The following CTTN variants were observed in gnomAD, a reference collection of about 807,000 sequenced individuals.
CTTN encodes cortactin.
A neutral mutation model predicts 84.0 loss-of-function variants in CTTN; 28 were observed. The observed-to-expected ratio is 0.33, with a 90% CI of 0.25 to 0.46. The LOEUF (loss-of-function observed/expected upper bound fraction) is 0.46, where lower values mean the gene tolerates loss of function less well. CTTN is among the 20% of genes least tolerant of loss of function. CTTN has a pLI of 1.00. For synonymous variants in CTTN, 301 were observed against 288.8 expected (o/e 1.04, Z -0.43); for missense variants, 641 against 723.8 (o/e 0.89, Z 1.31).
At chr11:70,417,257 G>A (rs2058174696) in intron 8 of CTTN, 134 bp downstream of exon 8, 1 of 685,462 alleles carries the variant, frequency 1.5e-6, no homozygotes, top group East Asian at 2.7e-5. Context: ...ACCAGTGTAT[G>A]TGGGCTTTTC....
At chr11:70,418,268 G>T (rs2058186698) in intron 8 of CTTN, among the ~76,000 whole-genome samples, 1 of 152,224 alleles carries the variant, frequency 6.6e-6, no homozygotes, top group Admixed American at 6.5e-5. Flanking sequence ...TTGCCTTCCT[G>T]CCGGTCAGGC....
chr11:70,416,907 A>G, intron 7 of CTTN, 106 bp from the exon 8 acceptor site: 2 of 789,886 alleles, frequency 2.5e-6, no homozygotes, highest in Non-Finnish European at 4.6e-6. Context: ...TGTGCGCTTG[A>G]TGTGTTTGTG....
chr11:70,435,203 C>T lies in CTTN; in HGVS notation c.*41C>T, dbSNP rs990322837. ...CCCGGAGCTGCGCCCTGGATCCTCA[C>T]ACTACAGATCAGGCCTTCTTTGGTT... On this transcript the variant is annotated 3_prime_UTR_variant, in exon 18 of 18. Coordinates refer to ENST00000301843, the MANE Select transcript of CTTN (RefSeq NM_005231.4). The T allele has an allele frequency of 2.6e-6, 4 of 1,530,266 alleles. No individual in the cohort carries two copies. Among genetic ancestry groups the T allele is most frequent in the South Asian group, 1.2e-5 (1 of 81,850 alleles). 94.8% of individuals were successfully genotyped at this position (1,530,266 alleles called of 1,614,324 possible).
intron 15 of CTTN, among the ~76,000 whole-genome samples, chr11:70,432,212 G>A (rs1248453687): frequency 1.3e-5 from 2 of 152,168 alleles, no homozygotes; most frequent in Non-Finnish European, 2.9e-5. Flanking sequence ...CTTGCAGCTT[G>A]TCAGGAACCG....
At chr11:70,431,168 T>C (rs369049665) in intron 14 of CTTN, 23 bp from the exon 15 acceptor site, 11 of 1,610,656 alleles carry the variant, frequency 6.8e-6, no homozygotes, top group African/African-American at 1.3e-5. Context: ...AGCATTCTGA[T>C]TGCTGTTTGT....
At chr11:70,400,737 G>T (rs573856206) in intron 1 of CTTN, among the ~76,000 whole-genome samples, 2 of 152,270 alleles carry the variant, frequency 1.3e-5, no homozygotes, top group Non-Finnish European at 2.9e-5. Flanking sequence ...GTGAGCGCTG[G>T]TTGCTGCCTT....
chr11:70,401,017 C>T (rs967547062), intron 1 of CTTN, among the ~76,000 whole-genome samples: 14 of 152,250 alleles, frequency 9.2e-5, no homozygotes, highest in South Asian at 4.1e-4. Context: ...TGATGGTGGA[C>T]GGATGGTTCT....
chr11:70,423,148 A>G (rs547193352), intron 12 of CTTN, among the ~76,000 whole-genome samples, 153 bp downstream of exon 12: 2 of 151,992 alleles, frequency 1.3e-5, no homozygotes, highest in Admixed American at 1.3e-4. Context: ...TGACTCGGAC[A>G]GTCTTGTGCT....
chr11:70,419,645 G>A, intron 8 of CTTN, 101 bp from the exon 9 acceptor site: 2 of 851,436 alleles, frequency 2.3e-6, no homozygotes, highest in Admixed American at 5.2e-5. Context: ...TCCTACAGTG[G>A]ACCTGAAAGA....
At chr11:70,431,852 C>T (rs750207875) in intron 15 of CTTN, among the ~76,000 whole-genome samples, 27 of 152,162 alleles carry the variant, frequency 1.8e-4, no homozygotes, top group Non-Finnish European at 3.2e-4. Flanking sequence ...GCCGATGCCC[C>T]GCCCATCCCT....
intron 1 of CTTN, among the ~76,000 whole-genome samples, chr11:70,401,314 A>C (rs149121222): frequency 1.4e-3 from 210 of 151,998 alleles, no homozygotes; most frequent in African/African-American, 5.0e-3. Flanking sequence ...ACTAAAAAAA[A>C]AAATACAAAA....
At chr11:70,433,550 T>G (rs2058379490) in intron 16 of CTTN, 97 bp from the exon 17 acceptor site, 1 of 1,030,734 alleles carries the variant, frequency 9.7e-7, no homozygotes, top group African/African-American at 1.6e-5. Context: ...CCTGTGTCCT[T>G]GAGACAAAAT....
intron 7 of CTTN, 52 bp from the exon 8 acceptor site, chr11:70,416,961 C>T: frequency 8.0e-7 from 1 of 1,246,230 alleles, no homozygotes. Flanking sequence ...ACAAAAGGAA[C>T]AGTGTAGTTC....
chr11:70,433,770 C>T lies in CTTN; in HGVS notation c.1516+52C>T, dbSNP rs141077571. On this transcript the variant is annotated intron_variant, in intron 17 of 17. Coordinates refer to ENST00000301843, the MANE Select transcript of CTTN (RefSeq NM_005231.4). ...GGGGAGACCCAGGCAGCTGCGCCTG[C>T]CTCTGCTTGTTTTCTGAGAATTCAC... 1.7e-5 allele frequency: 19 copies of T among 1,135,166 alleles called. No individual in the cohort carries two copies. In the East Asian group the frequency reaches 3.5e-4, roughly 21 times the overall value. 70.3% of individuals were successfully genotyped at this position (1,135,166 alleles called of 1,614,324 possible).
At position 70,415,928 on chromosome 11, in the gene CTTN, G is replaced by A. The variant is rs1378055919; in HGVS notation, c.457+211G>A. On this transcript the variant is annotated intron_variant, in intron 7 of 17. Transcript: ENST00000301843. Reference sequence around the variant, plus strand: ...ATCATCTGGATACCACATGATGGATGTATTCCCCGTTACACATCCCCCTCG... The same window carrying A: ...ATCATCTGGATACCACATGATGGATATATTCCCCGTTACACATCCCCCTCG... 4.3e-5 allele frequency: 24 copies of A among 561,354 alleles called. No homozygotes were observed. In the East Asian group the frequency reaches 5.9e-4, roughly 14 times the overall value. 34.8% of individuals were successfully genotyped at this position (561,354 alleles called of 1,614,324 possible). A position where few individuals can be genotyped will look rare whatever the true frequency, so the allele number is the denominator to read the frequency against.
rs1337062446 is a variant in CTTN, at chr11:70,417,097, A to G, written c.542A>G (p.Lys181Arg). 2 of 1,614,094 alleles carry G rather than the reference A, an allele frequency of 1.2e-6. No homozygotes were observed. The highest frequency in any genetic ancestry group is 3.3e-5 in the Admixed American group (2 of 60,000). The change falls in exon 8 of 18, where the codon AAG becomes AGG. Residue 181 changes from lysine to arginine, a missense_variant. This residue lies in a region of CTTN where 284 missense variants were observed against 348.4 expected (regional missense o/e 0.82). Transcript: ENST00000301843. ...GCGGTGGGCTTCGACTACCAGGGCA[A>G]GACGGAGAAGCACGAGTCACAGAGA... ...KSAVGFDYQG[K>R]TEKHESQRDY... is the part of the protein sequence containing the mutation.
At position 70,415,186 on chromosome 11, in the gene CTTN, A is replaced by G. The variant is rs895047836; in HGVS notation, c.403-477A>G. Among the ~76,000 whole-genome samples, 3 of 152,178 alleles carry G rather than the reference A, an allele frequency of 2.0e-5. No homozygotes were observed. The East Asian group carries it at 5.8e-4, about 29-fold the overall frequency. On this transcript the variant is annotated intron_variant, in intron 6 of 17. Transcript: ENST00000301843. ...GTCGCAGATTGTGGCTTTGTGACATATTAGCCACGGTTCTGAATTTATGTG... is the reference window on the plus strand; with the variant it reads ...GTCGCAGATTGTGGCTTTGTGACATGTTAGCCACGGTTCTGAATTTATGTG...
chr11:70,403,022 C>T (rs901557291), intron 1 of CTTN, among the ~76,000 whole-genome samples: 1 of 152,084 alleles, frequency 6.6e-6, no homozygotes, highest in Non-Finnish European at 1.5e-5. Flanking sequence ...GGTGGGTTCT[C>T]ATTGCAGTTT....
chr11:70,422,601 G>A (rs1365749850), intron 11 of CTTN: 1 of 1,326,940 alleles, frequency 7.5e-7, no homozygotes, highest in East Asian at 4.7e-5. Context: ...TGGTGCGGAA[G>A]ACTGTGCTAT....
Sources: gnomAD v4.1 joint callset for allele counts (sites outside exome capture counted in the v4.1 genomes callset) on GRCh38, gnomAD v4.1.1 for gene constraint, gnomAD v4.1.1 regional missense constraint, MANE v1.5 for transcripts, NCBI Gene and HGNC (gene_info 2026-07-23, HGNC 2026-07-21) for gene names.